Variants in ATXN10 observed in about 807,000 individuals in gnomAD.
ATXN10 encodes ataxin 10.
ATXN10 carries 28 observed loss-of-function variants against 52.9 expected under a neutral mutation model. The observed-to-expected ratio is 0.53, with a 90% confidence interval of 0.39 to 0.73. ATXN10 has a LOEUF of 0.73. Ranked by LOEUF, ATXN10 falls within the 30% of genes least tolerant of loss-of-function variation. ATXN10 has a pLI of 0.00. For missense variants in ATXN10, 565 were observed against 577.0 expected (o/e 0.98, Z 0.21); for synonymous variants, 226 against 221.5 (o/e 1.02, Z -0.18).
Position 45,787,754 on chromosome 22 carries a change from G to A in ATXN10, c.1174-19205G>A, listed in dbSNP as rs1011241835. 1.3e-4 allele frequency among the ~76,000 whole-genome samples: 20 copies of A among 152,150 alleles called. No individual in the cohort carries two copies. The highest frequency in any genetic ancestry group is 3.3e-4 in the Admixed American group (5 of 15,278). The stretch of plus-strand genomic sequence containing the variant: ...AGGACATTTGCATATTTCACAGCCC[G>A]CAGTTTGGAAATACATTTCTGAAAG... On this transcript the variant is annotated intron_variant, in intron 9 of 11. Transcript: ENST00000252934. The surrounding 1 kb of genome is among the most constrained non-coding windows in gnomAD (Gnocchi z 4.2).
chr22:45,775,170 C>A lies in ATXN10; in HGVS notation c.1174-31789C>A, dbSNP rs970402652. ...ACACTGGCCCTCAGTCCTTACCACT[C>A]CTAGAGAAGGAGGGGATGGCAGTGG... is the stretch of plus-strand genomic sequence containing the variant. On this transcript the variant is annotated intron_variant, in intron 9 of 11. Coordinates refer to ENST00000252934, the MANE Select transcript of ATXN10 (RefSeq NM_013236.4). This position sits in a 1 kb window ranked among gnomAD's most constrained non-coding sequence, Gnocchi z 4.7. Among the ~76,000 whole-genome samples the A allele has an allele frequency of 1.8e-4, 28 of 152,146 alleles. No individual in the cohort carries two copies. The highest frequency in any genetic ancestry group is 4.1e-4 in the African/African-American group (17 of 41,428).
chr22:45,806,779 A>G (rs1220143196), intron 9 of ATXN10, among the ~76,000 whole-genome samples, 180 bp from the exon 10 acceptor site: 2 of 152,228 alleles, frequency 1.3e-5, no homozygotes, highest in Non-Finnish European at 2.9e-5. Flanking sequence ...ATAAAATAAA[A>G]TATCACTTTT....
Position 45,840,467 on chromosome 22 carries a change from A to T in ATXN10, c.1238-2524A>T, listed in dbSNP as rs1247875041. On this transcript the variant is annotated intron_variant, in intron 10 of 11. Coordinates refer to ENST00000252934, the MANE Select transcript of ATXN10 (RefSeq NM_013236.4). This position sits in a 1 kb window ranked among gnomAD's most constrained non-coding sequence, Gnocchi z 5.8. ...GAGTCTCGAAGGCTAAGTGTGCCCCATGAGAAAGGAAGCAGCAGTGAGGGA... is the reference window on the plus strand; with the variant it reads ...GAGTCTCGAAGGCTAAGTGTGCCCCTTGAGAAAGGAAGCAGCAGTGAGGGA... Among the ~76,000 whole-genome samples the T allele has an allele frequency of 6.6e-6, 1 of 152,230 alleles. No individual in the cohort carries two copies. Among genetic ancestry groups the T allele is most frequent in the Non-Finnish European group, 1.5e-5 (1 of 68,040 alleles).
chr22:45,698,058 A>G (rs972100179), intron 3 of ATXN10, among the ~76,000 whole-genome samples: 1 of 152,098 alleles, frequency 6.6e-6, no homozygotes, highest in African/African-American at 2.4e-5. Context: ...TGTTTGTTGG[A>G]CATTTAGGTT....
chr22:45,701,190 C>T lies in ATXN10; in HGVS notation c.488+812C>T, dbSNP rs1406074563. Among the ~76,000 whole-genome samples the T allele has an allele frequency of 1.3e-5, 2 of 152,156 alleles. No individual in the cohort carries two copies. The highest frequency in any genetic ancestry group is 2.9e-5 in the Non-Finnish European group (2 of 68,038). On this transcript the variant is annotated intron_variant, in intron 4 of 11. Coordinates refer to ENST00000252934, the MANE Select transcript of ATXN10 (RefSeq NM_013236.4). The surrounding 1 kb of genome is among the most constrained non-coding windows in gnomAD (Gnocchi z 4.2). ...GCAGCTGTTGTGTACATACCCTGAA[C>T]TGGGCATTATCCGTATATTTTTTCT...
chr22:45,691,886 C>G (rs902467403), intron 2 of ATXN10, among the ~76,000 whole-genome samples: 2 of 152,068 alleles, frequency 1.3e-5, no homozygotes, highest in African/African-American at 4.8e-5. Context: ...GAGTGAGACT[C>G]CGTCTCAAAA....
chr22:45,689,194 T>C (rs1330079787), intron 1 of ATXN10, among the ~76,000 whole-genome samples: 2 of 152,236 alleles, frequency 1.3e-5, no homozygotes, highest in African/African-American at 4.8e-5. Flanking sequence ...ATATTGTTTC[T>C]TATAACTGAA....
At chr22:45,741,272 T>C (rs747909824) in intron 9 of ATXN10, among the ~76,000 whole-genome samples, 3 of 152,220 alleles carry the variant, frequency 2.0e-5, no homozygotes, top group Admixed American at 6.5e-5. Context: ...CTGTCGAGGG[T>C]TGGCATCTAT....
chr22:45,834,103 C>A (rs1929084486), intron 10 of ATXN10, among the ~76,000 whole-genome samples: 1 of 152,154 alleles, frequency 6.6e-6, no homozygotes, highest in Non-Finnish European at 1.5e-5. Flanking sequence ...GATGCTGTTA[C>A]CTTTATTAGT....
rs2146895269 is a variant in ATXN10 at position 45,816,778 on chromosome 22, G to C, written c.1237+9756G>C. Among the ~76,000 whole-genome samples, 1 of 152,346 alleles carries C rather than the reference G, an allele frequency of 6.6e-6. No homozygotes were observed. Among genetic ancestry groups the C allele is most frequent in the Non-Finnish European group, 1.5e-5 (1 of 68,036 alleles). ...GCAGAACCTCGTGGAGTCTTTATTAGTCACATGTGCATTTTGGAGCTTCCA... is the reference window on the plus strand; with the variant it reads ...GCAGAACCTCGTGGAGTCTTTATTACTCACATGTGCATTTTGGAGCTTCCA... On this transcript the variant is annotated intron_variant, in intron 10 of 11. Coordinates refer to ENST00000252934, the MANE Select transcript of ATXN10 (RefSeq NM_013236.4). This position sits in a 1 kb window ranked among gnomAD's most constrained non-coding sequence, Gnocchi z 5.8.
At chr22:45,720,156 G>GT (rs1924594601) in intron 6 of ATXN10, among the ~76,000 whole-genome samples, 1 of 152,034 alleles carries the variant, frequency 6.6e-6, no homozygotes, top group Non-Finnish European at 1.5e-5. Context: ...ATACTGGTCA[G>GT]TAAACCTTAT....
intron 5 of ATXN10, among the ~76,000 whole-genome samples, chr22:45,709,321 G>A (rs1365647755): frequency 6.6e-6 from 1 of 152,176 alleles, no homozygotes; most frequent in Non-Finnish European, 1.5e-5. Flanking sequence ...CATGTGATAA[G>A]CATTATTTTA....
At chr22:45,758,486 G>A (rs6007155) in intron 9 of ATXN10, among the ~76,000 whole-genome samples, 31,692 of 152,148 alleles carry the variant, frequency 0.21, 3,828 homozygotes, top group African/African-American at 0.31. Flanking sequence ...CAAATTATTG[G>A]TCATCAGAAA....
intron 9 of ATXN10, among the ~76,000 whole-genome samples, chr22:45,767,863 G>A (rs1439482910): frequency 1.3e-5 from 2 of 152,178 alleles, no homozygotes; most frequent in Non-Finnish European, 2.9e-5. Context: ...CATTCTGTTA[G>A]TAGCAACGTT....
At chr22:45,729,617 G>A (rs749939716) in intron 7 of ATXN10, 27 bp downstream of exon 7, 20 of 1,612,444 alleles carry the variant, frequency 1.2e-5, no homozygotes, top group Middle Eastern at 1.6e-4. Flanking sequence ...TCCCAATCTC[G>A]GGTAAAAGAG....
chr22:45,685,183 T>C (rs1464109326), intron 1 of ATXN10, among the ~76,000 whole-genome samples: 1 of 152,102 alleles, frequency 6.6e-6, no homozygotes, highest in Non-Finnish European at 1.5e-5. Context: ...ATCTAACCTG[T>C]TACATATAAT....
rs535226484 is a variant in ATXN10 at position 45,835,057 on chromosome 22, C to T, written c.1238-7934C>T. On this transcript the variant is annotated intron_variant, in intron 10 of 11. Transcript: ENST00000252934. This position sits in a 1 kb window ranked among gnomAD's most constrained non-coding sequence, Gnocchi z 5.0. ...AGTGGTCAGTAAAATGATTCCAGAG[C>T]ATGTCATGTACAAAATTAGTTTCAT... Among the ~76,000 whole-genome samples the T allele has an allele frequency of 7.9e-5, 12 of 152,330 alleles. No homozygotes were observed. The East Asian group carries it at 2.3e-3, about 29-fold the overall frequency.
In ATXN10 at chr22:45,683,486, C is replaced by T. The variant is rs1029966555; in HGVS notation, c.117-6226C>T. Reference sequence around the variant, plus strand: ...GAAGCCAGCCCTGACTTCCCTGTGACGTGCTCTGTATGCCTTTGCCTCTAG... The same window carrying T: ...GAAGCCAGCCCTGACTTCCCTGTGATGTGCTCTGTATGCCTTTGCCTCTAG... On this transcript the variant is annotated intron_variant, in intron 1 of 11. Coordinates refer to ENST00000252934, the MANE Select transcript of ATXN10 (RefSeq NM_013236.4). The surrounding 1 kb of genome is among the most constrained non-coding windows in gnomAD (Gnocchi z 4.8). Among the ~76,000 whole-genome samples the T allele has an allele frequency of 2.6e-5, 4 of 152,200 alleles. No homozygotes were observed. Among genetic ancestry groups the T allele is most frequent in the Admixed American group, 2.0e-4 (3 of 15,282 alleles).
At chr22:45,768,453 T>C (rs1219874235) in intron 9 of ATXN10, among the ~76,000 whole-genome samples, 9 of 151,912 alleles carry the variant, frequency 5.9e-5, no homozygotes, top group Non-Finnish European at 2.9e-5. Flanking sequence ...AACACAAAAA[T>C]CCCATAGTTC....
Sources: allele counts gnomAD v4.1 joint callset (sites outside exome capture counted in the v4.1 genomes callset), GRCh38; gene constraint gnomAD v4.1.1; non-coding constraint Gnocchi (gnomAD v3.1); transcripts MANE v1.5; gene names NCBI Gene and HGNC (gene_info 2026-07-23, HGNC 2026-07-21).